The following SLC25A18 variants were observed in gnomAD, a reference collection of about 807,000 sequenced individuals.
The protein encoded by SLC25A18 is solute carrier family 25 member 18.
A neutral mutation model predicts 31.1 loss-of-function variants in SLC25A18; 24 were observed. The ratio of observed to expected loss-of-function variants is 0.77; its 90% CI spans 0.56 to 1.08. The LOEUF (loss-of-function observed/expected upper bound fraction) is 1.08. SLC25A18 is among the 50% of genes least tolerant of loss of function. The probability of loss-of-function intolerance (pLI) is 0.00; values close to 1 mark genes in which losing one functional copy is unlikely to be tolerated. For missense variants in SLC25A18, 371 were observed against 418.5 expected, an observed-to-expected ratio of 0.89 and a Z score of 0.99; for synonymous variants, 173 against 161.9, an observed-to-expected ratio of 1.07 and a Z score of -0.52.
At chr22:17,581,457 G>A in intron 5 of SLC25A18, 44 bp downstream of exon 5, 1 of 1,607,224 alleles carries the variant, frequency 6.2e-7, no homozygotes, top group Non-Finnish European at 8.5e-7. Flanking sequence ...GCAGGTGTGA[G>A]CGTATGGGAC....
chr22:17,579,874 C>G lies in SLC25A18; in HGVS notation c.-71C>G. 2 of 1,567,426 alleles carry G rather than the reference C, an allele frequency of 1.3e-6. No individual in the cohort carries two copies. The highest frequency in any genetic ancestry group is 2.3e-5 in the East Asian group (1 of 42,954). On this transcript the variant is annotated 5_prime_UTR_variant, in exon 3 of 11. Coordinates refer to ENST00000327451, the MANE Select transcript of SLC25A18 (RefSeq NM_031481.3). ...CCAAGGAAGCTTCCACTTCTTCCCC[C>G]AGACAGCCCCAACAGCGGCTACCCC...
chr22:17,572,717 C>G lies in SLC25A18; in HGVS notation c.-201+2731C>G, dbSNP rs1223001155. On this transcript the variant is annotated intron_variant, in intron 2 of 10. Coordinates refer to ENST00000327451, the MANE Select transcript of SLC25A18 (RefSeq NM_031481.3). ...AGTGCAGTGGCGCGATCTCGGCTCA[C>G]TGCAAGCTCCGCCTCCCGGGTTCAC... 4.4e-5 allele frequency among the ~76,000 whole-genome samples: 6 copies of G among 136,048 alleles called. 1 individual carries two copies. The highest frequency in any genetic ancestry group is 6.4e-5 in the African/African-American group (2 of 31,404). 89.3% of individuals were successfully genotyped at this position (136,048 alleles called of 152,430 possible).
intron 6 of SLC25A18, 84 bp downstream of exon 6, chr22:17,582,737 A>G (rs900428544): frequency 8.3e-7 from 1 of 1,209,996 alleles, no homozygotes. Flanking sequence ...AATGTGCCTC[A>G]GTATACCTGC....
chr22:17,579,657 A>G, intron 2 of SLC25A18, 88 bp from the exon 3 acceptor site: 1 of 1,129,374 alleles, frequency 8.9e-7, no homozygotes, highest in Non-Finnish European at 1.1e-6. Context: ...GGAAGGGAAA[A>G]AAGTGGAGCA....
rs971482754 is a variant in SLC25A18, at chr22:17,589,118, AAAG to A, written c.731-464_731-462del. The A allele has an allele frequency of 9.8e-4, 150 of 153,488 alleles. 2 individuals are homozygous for A. The highest frequency in any genetic ancestry group is 4.3e-4 in the Non-Finnish European group (30 of 69,162). The allele number at this position is 153,488 out of a possible 1,614,324, so 9.5% of individuals were successfully genotyped here. ...CTCATTTATTTTATAGCTGAGGCCC[AAAG>A]AAGAAGACCTCCACTTACAGATCAC... is the stretch of plus-strand genomic sequence containing the variant. On this transcript the variant is annotated intron_variant, in intron 9 of 10. Coordinates refer to ENST00000327451, the MANE Select transcript of SLC25A18 (RefSeq NM_031481.3).
chr22:17,564,625 G>C (rs1380954630), intron 1 of SLC25A18, among the ~76,000 whole-genome samples: 1 of 152,094 alleles, frequency 6.6e-6, no homozygotes, highest in Non-Finnish European at 1.5e-5. Flanking sequence ...ACTTTGGGAG[G>C]CCAAGGCGGG....
Position 17,581,070 on chromosome 22 carries a change from A to T in SLC25A18, c.54A>T (p.Ala18=). ...ITAKLINGGV[A]GLVGVTCVFP... is the part of the protein sequence containing the mutation. The stretch of plus-strand genomic sequence containing the variant: ...CCAAACTCATCAATGGAGGTGTAGC[A>T]GGGCTCGTGGGGGTGACCTGCGTGT... The change falls in exon 4 of 11, where the codon GCA becomes GCT. Residue 18 remains alanine (A), a synonymous_variant. Transcript: ENST00000327451. The T allele has an allele frequency of 6.4e-7, 1 of 1,558,262 alleles. No individual in the cohort carries two copies. The highest frequency in any genetic ancestry group is 8.7e-7 in the Non-Finnish European group (1 of 1,150,034).
At chr22:17,581,250 C>G in intron 4 of SLC25A18, 91 bp downstream of exon 4, 1 of 1,578,716 alleles carries the variant, frequency 6.3e-7, no homozygotes, top group Non-Finnish European at 8.6e-7. Flanking sequence ...CGCGCGTGAG[C>G]CTGGGGGCTG....
intron 1 of SLC25A18, among the ~76,000 whole-genome samples, chr22:17,567,802 TAGGAA>T (rs1268100858): frequency 1.3e-5 from 2 of 151,162 alleles, no homozygotes; most frequent in Non-Finnish European, 2.9e-5. Context: ...AACTCACTTG[TAGGAA>T]TGCTTGTTCC....
intron 9 of SLC25A18, 91 bp downstream of exon 9, chr22:17,588,170 G>A (rs772079703): frequency 1.3e-6 from 2 of 1,489,498 alleles, no homozygotes; most frequent in Non-Finnish European, 1.8e-6. Flanking sequence ...GCCATACTGG[G>A]TTGCAATCTG....
At position 17,569,909 on chromosome 22, in the gene SLC25A18, C is replaced by T; in HGVS notation, c.-263-15C>T. The T allele has an allele frequency of 4.1e-6, 4 of 985,564 alleles. No homozygotes were observed. Among genetic ancestry groups the T allele is most frequent in the Non-Finnish European group, 4.8e-6 (4 of 830,062 alleles). The allele number at this position is 985,564 out of a possible 1,614,324, so 61.1% of individuals were successfully genotyped here. On this transcript the variant is annotated splice_polypyrimidine_tract_variant and intron_variant, in intron 1 of 10. Coordinates refer to ENST00000327451, the MANE Select transcript of SLC25A18 (RefSeq NM_031481.3). ...GTCCAAGCTGGCTGACACTGAAAGC[C>T]ACCTCTCCCTGCAGCTCAGCAGCGA...
intron 2 of SLC25A18, among the ~76,000 whole-genome samples, chr22:17,576,404 A>G (rs1259024294): frequency 6.6e-6 from 1 of 151,948 alleles, no homozygotes; most frequent in African/African-American, 2.4e-5. Flanking sequence ...TGCCGGAACC[A>G]GTAGGAATTC....
intron 3 of SLC25A18, chr22:17,580,343 G>A (rs1402437855): frequency 4.3e-6 from 1 of 234,506 alleles, no homozygotes; most frequent in Non-Finnish European, 7.5e-6. Flanking sequence ...TGAAAGATAA[G>A]AAAAGTTGAG....
chr22:17,570,163 A>G (rs1295595305), intron 2 of SLC25A18, 177 bp downstream of exon 2: 1 of 216,672 alleles, frequency 4.6e-6, no homozygotes, highest in Non-Finnish European at 7.9e-6. Flanking sequence ...ACCATGGGGT[A>G]TCCCAGGCAA....
intron 2 of SLC25A18, among the ~76,000 whole-genome samples, chr22:17,573,768 C>G (rs1167192761): frequency 6.6e-6 from 1 of 152,178 alleles, no homozygotes; most frequent in Non-Finnish European, 1.5e-5. Context: ...CACCAAGGCT[C>G]TCTACAAAGT....
chr22:17,584,473 A>AGAGAGAGAG (rs1569190772), intron 7 of SLC25A18, among the ~76,000 whole-genome samples: 4 of 115,152 alleles, frequency 3.5e-5, no homozygotes, highest in African/African-American at 1.6e-4. Context: ...GAGAGAGAGA[A>AGAGAGAGAG]AGAAAGAAAG....
chr22:17,563,714 GTAA>G lies in SLC25A18; in HGVS notation c.-264+2_-264+4del. 1 of 985,352 alleles carries G rather than the reference GTAA, an allele frequency of 1.0e-6. No individual in the cohort carries two copies. Among genetic ancestry groups the G allele is most frequent in the East Asian group, 1.1e-4 (1 of 8,816 alleles). The allele number at this position is 985,352 out of a possible 1,614,324, so 61.0% of individuals were successfully genotyped here. On this transcript the variant is annotated splice_donor_variant and splice_donor_region_variant and intron_variant, in intron 1 of 10. Coordinates refer to ENST00000327451, the MANE Select transcript of SLC25A18 (RefSeq NM_031481.3). LOFTEE classifies it low-confidence loss of function (5UTR_SPLICE). ...CGACTCGCTTGCAGGCAAGTTGTCAGTAAGTATTTATTAAATACCCACCGTGAG... is the reference window on the plus strand; with the variant it reads ...CGACTCGCTTGCAGGCAAGTTGTCAGGTATTTATTAAATACCCACCGTGAG...
intron 2 of SLC25A18, among the ~76,000 whole-genome samples, chr22:17,579,063 T>TTTTGTTTG (rs695243): frequency 2.1e-3 from 308 of 150,142 alleles, no homozygotes; most frequent in Non-Finnish European, 3.3e-3. Context: ...TAAGTGGGTT[T>TTTTGTTTG]TTTGTTTGTT....
chr22:17,569,807 C>G (rs546000592), intron 1 of SLC25A18, 117 bp from the exon 2 acceptor site: 1 of 985,196 alleles, frequency 1.0e-6, no homozygotes, highest in South Asian at 4.7e-5. Flanking sequence ...GTGCAGTGTG[C>G]GGTGAGAGTC....
Sources: gnomAD v4.1 joint callset for allele counts (sites outside exome capture counted in the v4.1 genomes callset) on GRCh38, gnomAD v4.1.1 for gene constraint, MANE v1.5 for transcripts, NCBI Gene and HGNC (gene_info 2026-07-23, HGNC 2026-07-21) for gene names.